Variants in COLEC10 observed in about 807,000 individuals in gnomAD.
COLEC10 encodes the protein collectin-10.
A neutral mutation model predicts 28.4 loss-of-function variants in COLEC10; 22 were observed. That is an observed-to-expected ratio of 0.78 (90% confidence interval 0.55 to 1.11). COLEC10 has a LOEUF of 1.11. Ranked by LOEUF, COLEC10 falls within the 50% of genes least tolerant of loss-of-function variation. The pLI is 0.00. For missense variants in COLEC10, 361 were observed against 344.1 expected, an observed-to-expected ratio of 1.05 and a Z score of -0.39; for synonymous variants, 125 against 116.1, an observed-to-expected ratio of 1.08 and a Z score of -0.49.
rs191248871 is a variant in COLEC10, at chr8:119,031,417, A to G, written n.235+21864A>G. Among the ~76,000 whole-genome samples, 7 of 152,348 alleles carry G rather than the reference A, an allele frequency of 4.6e-5. No homozygotes were observed. The East Asian group carries it at 1.3e-3, about 29-fold the overall frequency. ...AGTATGTAGAATTCAAGGTAATGAG[A>G]TAAGGGAAATGAGAATAGGGTGGTG... On this transcript the variant is annotated intron_variant and non_coding_transcript_variant, in intron 2 of 6. Coordinates refer to the COLEC10 transcript ENST00000521788.
At chr8:119,004,085 G>A (rs1813745813) in intron 1 of COLEC10, among the ~76,000 whole-genome samples, 1 of 152,004 alleles carries the variant, frequency 6.6e-6, no homozygotes, top group African/African-American at 2.4e-5. Flanking sequence ...CATACTTTTG[G>A]AGAAGCTCTA....
At chr8:119,080,696 T>C (rs780882674) in intron 1 of COLEC10, among the ~76,000 whole-genome samples, 9 of 152,134 alleles carry the variant, frequency 5.9e-5, no homozygotes, top group Non-Finnish European at 1.2e-4. Context: ...ATGTATAAAA[T>C]GAAGATGTAA....
At chr8:119,003,214 T>G (rs541196500) in intron 1 of COLEC10, among the ~76,000 whole-genome samples, 6 of 152,274 alleles carry the variant, frequency 3.9e-5, no homozygotes, top group African/African-American at 1.4e-4. Context: ...ATACATCTTT[T>G]ATGTCAGAGA....
At chr8:118,993,515 C>T (rs1030463617), upstream of COLEC10, among the ~76,000 whole-genome samples, 55 of 151,954 alleles carry the variant, frequency 3.6e-4, no homozygotes, top group African/African-American at 1.3e-3. Flanking sequence ...CCATCACACC[C>T]GGCTAATTTT....
intron 1 of COLEC10, chr8:119,068,632 T>C (rs1191127691): frequency 6.6e-6 from 1 of 152,192 alleles, no homozygotes; most frequent in African/African-American, 2.4e-5. Context: ...AGAATAGCAC[T>C]ATTTTTTACC....
At chr8:119,090,766 A>T (rs1815574711) in intron 2 of COLEC10, among the ~76,000 whole-genome samples, 1 of 152,188 alleles carries the variant, frequency 6.6e-6, no homozygotes, top group Non-Finnish European at 1.5e-5. Flanking sequence ...TTGTTTTAAA[A>T]GAGAGAAGAA....
rs150003112 is a variant in COLEC10 at position 119,082,720 on chromosome 8, C to T, written c.149-6960C>T. ...AAAAATCCACATAATATTTCATTGG[C>T]GAAGACATTTTAGCACCAGCCTGCC... On this transcript the variant is annotated intron_variant, in intron 1 of 5. Coordinates refer to ENST00000332843, the MANE Select transcript of COLEC10 (RefSeq NM_006438.5). Among the ~76,000 whole-genome samples, 8 of 152,262 alleles carry T rather than the reference C, an allele frequency of 5.3e-5. No homozygotes were observed. The East Asian group carries it at 9.6e-4, about 18-fold the overall frequency.
chr8:119,058,542 C>CT (rs1343067456), intron 2 of COLEC10, among the ~76,000 whole-genome samples: 1 of 151,888 alleles, frequency 6.6e-6, no homozygotes, highest in Non-Finnish European at 1.5e-5. Flanking sequence ...TCTGATTTTT[C>CT]TTTTTTTATT....
the COLEC10 span, among the ~76,000 whole-genome samples, chr8:118,984,770 AGAC>A: frequency 3.3e-5 from 5 of 152,152 alleles, no homozygotes; most frequent in African/African-American, 1.2e-4. Flanking sequence ...GACATACCCA[AGAC>A]TGGGCAATTT....
chr8:118,971,323 T>G, the COLEC10 span, among the ~76,000 whole-genome samples: 1 of 151,948 alleles, frequency 6.6e-6, no homozygotes, highest in Non-Finnish European at 1.5e-5. Context: ...ATGCTGAAAG[T>G]CATAGGTTGC....
At chr8:119,050,204 C>T (rs1001059758) in intron 2 of COLEC10, among the ~76,000 whole-genome samples, 7 of 146,484 alleles carry the variant, frequency 4.8e-5, no homozygotes, top group African/African-American at 1.7e-4. Context: ...AAGATAAAGC[C>T]CTTAATTGAA....
Position 119,084,788 on chromosome 8 carries a change from CA to C in COLEC10, c.149-4890del, listed in dbSNP as rs553960369. Among the ~76,000 whole-genome samples the C allele has an allele frequency of 3.7e-4, 56 of 152,120 alleles. 1 individual carries two copies. In the East Asian group the frequency reaches 5.4e-3, roughly 15 times the overall value. ...ATATAGCAAAAATAAATACATGAAG[CA>C]ATGACAATGTGCTAATTGGTAAATC... On this transcript the variant is annotated intron_variant, in intron 1 of 5. Transcript: ENST00000332843.
intron 1 of COLEC10, among the ~76,000 whole-genome samples, chr8:119,002,814 A>G (rs376700956): frequency 6.6e-6 from 1 of 152,190 alleles, no homozygotes; most frequent in South Asian, 2.1e-4. Flanking sequence ...ATCAAAAGGT[A>G]TTACCTGCAT....
At chr8:119,092,049 T>A (rs1815614971) in intron 3 of COLEC10, among the ~76,000 whole-genome samples, 1 of 151,544 alleles carries the variant, frequency 6.6e-6, no homozygotes, top group African/African-American at 2.4e-5. Context: ...TACCCACTTG[T>A]TTTCAGTCTT....
chr8:119,041,411 A>C (rs1814492183), intron 2 of COLEC10, among the ~76,000 whole-genome samples: 2 of 152,374 alleles, frequency 1.3e-5, no homozygotes, highest in South Asian at 4.1e-4. Flanking sequence ...GAATGCATTT[A>C]AAATATTTCT....
intron 1 of COLEC10, among the ~76,000 whole-genome samples, chr8:119,001,500 A>G (rs946999961): frequency 5.3e-5 from 8 of 152,140 alleles, no homozygotes; most frequent in Admixed American, 2.6e-4. Flanking sequence ...ATGCAAAGTA[A>G]TGGGCCAAGC....
chr8:119,088,845 C>A lies in COLEC10; in HGVS notation c.149-835C>A, dbSNP rs554684072. Reference sequence around the variant, plus strand: ...ATCATTGCTAAGCACTGATTGTATCCCAGGTGTTCTATGTCTGTTGTCTCA... The same window carrying A: ...ATCATTGCTAAGCACTGATTGTATCACAGGTGTTCTATGTCTGTTGTCTCA... On this transcript the variant is annotated intron_variant, in intron 1 of 5. Transcript: ENST00000332843. Among the ~76,000 whole-genome samples, 11 of 152,232 alleles carry A rather than the reference C, an allele frequency of 7.2e-5. No individual in the cohort carries two copies. The South Asian group carries it at 2.3e-3, about 32-fold the overall frequency.
chr8:119,028,357 G>T (rs2130122116), intron 2 of COLEC10, among the ~76,000 whole-genome samples: 1 of 152,284 alleles, frequency 6.6e-6, no homozygotes, highest in South Asian at 2.1e-4. Context: ...TCATTTACAT[G>T]CTGCTTATAA....
chr8:118,986,215 T>C, the COLEC10 span, among the ~76,000 whole-genome samples: 504 of 152,264 alleles, frequency 3.3e-3, 1 homozygote, highest in African/African-American at 0.011. Flanking sequence ...AGTTTATAAC[T>C]AGTAAAGATA....
Sources: gnomAD v4.1 joint callset for allele counts (sites outside exome capture counted in the v4.1 genomes callset) on GRCh38, gnomAD v4.1.1 for gene constraint, MANE v1.5 for transcripts, NCBI Gene and HGNC (gene_info 2026-07-23, HGNC 2026-07-21) for gene names.